Variants in MED12L observed in about 807,000 individuals in gnomAD.
MED12L encodes mediator complex subunit 12L.
Under a neutral mutation model 281.3 loss-of-function variants are expected in MED12L, and 60 were observed. That is an observed-to-expected ratio of 0.21 (90% CI 0.17 to 0.26). MED12L has a LOEUF of 0.26. Among genes scored for constraint, MED12L ranks in the 10% least tolerant of loss-of-function variants. The probability of loss-of-function intolerance (pLI) is 1.00; values close to 1 mark genes in which losing one functional copy is unlikely to be tolerated. For missense variants in MED12L, 2,146 were observed against 2,680.9 expected (o/e 0.80, Z 4.41); for synonymous variants, 974 against 987.2 (o/e 0.99, Z 0.25).
chr3:151,165,786 CTG>C lies in MED12L; in HGVS notation c.1358-56_1358-55del, dbSNP rs1172284847. On this transcript the variant is annotated intron_variant, in intron 10 of 44. Transcript: ENST00000687756. ...CCTCACATAGAATGGTGATTTTGTA[CTG>C]TGTTATAACTGTGTTATTTTTGGCC... The C allele has an allele frequency of 5.6e-5, 85 of 1,510,394 alleles. No homozygotes were observed. The South Asian group carries it at 1.0e-3, about 18-fold the overall frequency. The allele number at this position is 1,510,394 out of a possible 1,614,324, so 93.6% of individuals were successfully genotyped here.
intron 8 of MED12L, 101 bp from the exon 9 acceptor site, chr3:151,163,792 G>A (rs1410959549): frequency 8.5e-7 from 1 of 1,172,342 alleles, no homozygotes; most frequent in East Asian, 2.5e-5. Context: ...ACTAGTAGGA[G>A]ACAATAATAC....
chr3:151,202,650 A>C (rs1260668354), intron 16 of MED12L, among the ~76,000 whole-genome samples: 2 of 152,234 alleles, frequency 1.3e-5, no homozygotes, highest in African/African-American at 4.8e-5. Context: ...AGCCTGGGTG[A>C]AAAAGCGAGA....
chr3:151,275,132 C>T (rs1741629315), intron 16 of MED12L, among the ~76,000 whole-genome samples: 1 of 152,044 alleles, frequency 6.6e-6, no homozygotes. Context: ...ATAAATGGCT[C>T]CTAGAGTCTA....
chr3:151,121,180 C>T (rs1025914111), intron 3 of MED12L, among the ~76,000 whole-genome samples: 23 of 152,168 alleles, frequency 1.5e-4, no homozygotes, highest in Middle Eastern at 3.2e-3. Context: ...AAACAATTGG[C>T]TGCTACTGGC....
At chr3:151,092,992 C>T (rs967135090) in intron 2 of MED12L, among the ~76,000 whole-genome samples, 2 of 152,172 alleles carry the variant, frequency 1.3e-5, no homozygotes, top group Non-Finnish European at 2.9e-5. Flanking sequence ...AGCTGGTTGT[C>T]ATTTTTCAGG....
At chr3:151,303,393 G>A (rs1746206180) in intron 16 of MED12L, among the ~76,000 whole-genome samples, 1 of 152,096 alleles carries the variant, frequency 6.6e-6, no homozygotes, top group African/African-American at 2.4e-5. Context: ...ACTCCTGGCT[G>A]GTGATGTCTA....
chr3:151,295,980 G>T (rs1745037689), intron 16 of MED12L, among the ~76,000 whole-genome samples: 1 of 152,116 alleles, frequency 6.6e-6, no homozygotes, highest in Non-Finnish European at 1.5e-5. Flanking sequence ...ATGTCATCTA[G>T]TAAATTCTTC....
rs1310294500 is a variant in MED12L, at chr3:151,365,201, T to C, written c.3180T>C (p.Ala1060=). The C allele has an allele frequency of 4.3e-6, 7 of 1,613,328 alleles. No individual in the cohort carries two copies. The highest frequency in any genetic ancestry group is 5.9e-6 in the Non-Finnish European group (7 of 1,179,272). The part of the protein sequence containing the change: ...LMNVCMGHQD[A]GRINDIANFS... ...ATGTATGTATGGGCCATCAGGATGCTGGCAGGTGAGATGGGTTACCCTGGA... is the reference window on the plus strand; with the variant it reads ...ATGTATGTATGGGCCATCAGGATGCCGGCAGGTGAGATGGGTTACCCTGGA... The change falls in exon 22 of 45, where the codon GCT becomes GCC. Residue 1060 remains alanine, a synonymous_variant. Coordinates refer to ENST00000687756, the MANE Select transcript of MED12L (RefSeq NM_001393769.1).
chr3:151,357,155 T>C, intron 19 of MED12L, 58 bp from the exon 20 acceptor site: 2 of 1,383,538 alleles, frequency 1.4e-6, no homozygotes, highest in Non-Finnish European at 2.0e-6. Flanking sequence ...TAAAAATAAA[T>C]GTTTTCTCTA....
intron 16 of MED12L, among the ~76,000 whole-genome samples, chr3:151,237,927 C>A (rs1321688942): frequency 1.3e-5 from 2 of 151,992 alleles, no homozygotes; most frequent in Non-Finnish European, 2.9e-5. Flanking sequence ...TTGTAGACTT[C>A]TTTGAATATT....
chr3:151,270,132 T>G, intron 16 of MED12L: 1 of 241,388 alleles, frequency 4.1e-6, no homozygotes. Context: ...AGAAAATGAC[T>G]AATAGAACAC....
intron 16 of MED12L, among the ~76,000 whole-genome samples, chr3:151,215,624 A>G (rs1217452462): frequency 6.6e-6 from 1 of 152,196 alleles, no homozygotes; most frequent in Non-Finnish European, 1.5e-5. Flanking sequence ...GTGTTGATTT[A>G]GGGCAGAGGG....
At chr3:151,326,737 G>A (rs942335253) in intron 16 of MED12L, 14 of 152,182 alleles carry the variant, frequency 9.2e-5, no homozygotes, top group African/African-American at 3.4e-4. Context: ...GGAAGAAAAC[G>A]TGGGCTTCAC....
rs1719856973 is a variant in MED12L at position 151,434,355 on chromosome 3, A to C, written c.*1551A>C. ...GACTCATGCAAATGACCTCAAATAC[A>C]TGTCAGCTTACTTTGCTGTGGCAAC... On this transcript the variant is annotated 3_prime_UTR_variant, in exon 45 of 45. Transcript: ENST00000687756. The C allele has an allele frequency of 6.6e-6, 1 of 152,184 alleles. No individual in the cohort carries two copies. Among genetic ancestry groups the C allele is most frequent in the South Asian group, 2.1e-4 (1 of 4,836 alleles). 9.4% of individuals were successfully genotyped at this position (152,184 alleles called of 1,614,324 possible).
chr3:151,213,569 G>A (rs566717547), intron 16 of MED12L: 1 of 1,614,066 alleles, frequency 6.2e-7, no homozygotes, highest in East Asian at 2.2e-5. Flanking sequence ...CTGGCAATAT[G>A]GTAAGGTACA....
At chr3:151,410,102 C>T (rs1031991275) in intron 40 of MED12L, among the ~76,000 whole-genome samples, 1 of 152,290 alleles carries the variant, frequency 6.6e-6, no homozygotes, top group South Asian at 2.1e-4. Context: ...GAGTTACTTA[C>T]TCTGAGCTTC....
intron 16 of MED12L, among the ~76,000 whole-genome samples, chr3:151,272,665 G>T (rs564873819): frequency 3.6e-4 from 55 of 152,324 alleles, no homozygotes; most frequent in South Asian, 6.2e-4. Flanking sequence ...GGTTAATTAA[G>T]ATTTGGTGGG....
At chr3:151,201,221 A>T (rs1725526402) in intron 16 of MED12L, among the ~76,000 whole-genome samples, 1 of 148,994 alleles carries the variant, frequency 6.7e-6, no homozygotes, top group Admixed American at 6.6e-5. Flanking sequence ...CCACGTGCAC[A>T]CACTCTCTCT....
Position 151,385,096 on chromosome 3 carries a change from C to G in MED12L, c.4993C>G (p.Gln1665Glu). Residue 1665 changes from glutamine to glutamate, a missense_variant, in exon 36 of 45, where the codon CAG (glutamine) becomes GAG (glutamate). By Grantham distance (29) the Gln-to-Glu change is conservative. Coordinates refer to ENST00000687756, the MANE Select transcript of MED12L (RefSeq NM_001393769.1). ...KVRQLLPLPK[Q>E]TCDVITCEPM... ...TCGACAGTTACTACCTTTGCCGAAA[C>G]AGACATGTGATGTCATCACTTGTGA... The G allele has an allele frequency of 6.2e-7, 1 of 1,612,616 alleles. No homozygotes were observed. The highest frequency in any genetic ancestry group is 8.5e-7 in the Non-Finnish European group (1 of 1,179,338).
Sources: gnomAD v4.1 joint callset for allele counts (sites outside exome capture counted in the v4.1 genomes callset) on GRCh38, gnomAD v4.1.1 for gene constraint, MANE v1.5 for transcripts, NCBI Gene and HGNC (gene_info 2026-07-23, HGNC 2026-07-21) for gene names.